THUMPD2: variants seen among roughly 807,000 people sequenced by gnomAD.
THUMPD2 encodes the protein THUMP domain 2 tRNA and snRNA guanosine methyltransferase, also known as U6 snRNA (guanine-N(2))-methyltransferase THUMPD2.
In THUMPD2, 56 loss-of-function variants were observed where a neutral mutation model predicts 49.4. The ratio of observed to expected loss-of-function variants is 1.13; its 90% CI spans 0.91 to 1.41. THUMPD2 has a LOEUF of 1.41. THUMPD2 is among the 40% of genes most tolerant of loss of function. The pLI is 0.00. For missense variants in THUMPD2, 709 were observed against 594.5 expected (o/e 1.19, Z -2.00); for synonymous variants, 237 against 205.2 (o/e 1.15, Z -1.32).
At chr2:39,761,008 G>T (rs149826075) in intron 6 of THUMPD2, among the ~76,000 whole-genome samples, 196 of 152,178 alleles carry the variant, frequency 1.3e-3, no homozygotes, top group Middle Eastern at 0.01. Context: ...AATTGACCAA[G>T]ATCTTGGTCA....
chr2:39,757,775 T>C (rs1350706790), intron 6 of THUMPD2, among the ~76,000 whole-genome samples: 2 of 152,210 alleles, frequency 1.3e-5, no homozygotes, highest in South Asian at 2.1e-4. Context: ...GAACAGTTTA[T>C]AGTAAACATG....
intron 4 of THUMPD2, 55 bp from the exon 5 acceptor site, chr2:39,766,164 A>G: frequency 7.7e-7 from 1 of 1,302,634 alleles, no homozygotes; most frequent in Non-Finnish European, 1.1e-6. Flanking sequence ...TTACCAAATT[A>G]CTGACAATTT....
chr2:39,751,949 A>T (rs1675467337), intron 8 of THUMPD2, among the ~76,000 whole-genome samples: 1 of 152,140 alleles, frequency 6.6e-6, no homozygotes, highest in African/African-American at 2.4e-5. Context: ...AGCCTTCCAA[A>T]GTGCTGGGAT....
At chr2:39,756,706 G>C (rs1458746608) in intron 6 of THUMPD2, among the ~76,000 whole-genome samples, 2 of 152,070 alleles carry the variant, frequency 1.3e-5, no homozygotes, top group African/African-American at 4.8e-5. Context: ...CCGATGCCAC[G>C]TGTAAATTCA....
rs760041439 is a variant in THUMPD2, at chr2:39,736,777, C to A, written c.1470G>T (p.Ala490=). The change falls in exon 10 of 10, where the codon GCG becomes GCT. Residue 490 remains alanine (A), a synonymous_variant. Coordinates refer to ENST00000505747, the MANE Select transcript of THUMPD2 (RefSeq NM_025264.5). ...CYKVSLGKTD[A]FICKYKKSHS... ...GCGACTTCTTATATTTACATATGAACGCATCTGTCTTTCCAAGGCTAACTT... is the reference window on the plus strand; with the variant it reads ...GCGACTTCTTATATTTACATATGAAAGCATCTGTCTTTCCAAGGCTAACTT... 1 of 1,613,988 alleles carries A rather than the reference C, an allele frequency of 6.2e-7. No homozygotes were observed. The highest frequency in any genetic ancestry group is 8.5e-7 in the Non-Finnish European group (1 of 1,180,006).
intron 9 of THUMPD2, among the ~76,000 whole-genome samples, chr2:39,743,285 G>A (rs1313084629): frequency 6.6e-6 from 1 of 152,118 alleles, no homozygotes; most frequent in East Asian, 1.9e-4. Context: ...ATTCATAACT[G>A]TATGCATTCT....
chr2:39,743,173 T>TA (rs773016156), intron 9 of THUMPD2, among the ~76,000 whole-genome samples: 3 of 152,234 alleles, frequency 2.0e-5, no homozygotes, highest in Non-Finnish European at 4.4e-5. Flanking sequence ...GCTCATATTT[T>TA]AAATTGGTGA....
At position 39,761,349 on chromosome 2, in the gene THUMPD2, T is replaced by G. The variant is rs374861467; in HGVS notation, c.873A>C (p.Ala291=). The change falls in exon 6 of 10, where the codon GCA becomes GCC. Residue 291 remains alanine (A), a synonymous_variant. Coordinates refer to ENST00000505747, the MANE Select transcript of THUMPD2 (RefSeq NM_025264.5). ...GLRSTIAWAM[A]SLADIKAGAF... is the part of the protein sequence containing the mutation. ...TTCTTACCTTAATGTCAGCCAGAGA[T>G]GCCATTGCCCACGCTATTGTAGATC... The G allele has an allele frequency of 6.2e-7, 1 of 1,613,816 alleles. No homozygotes were observed. The highest frequency in any genetic ancestry group is 2.2e-5 in the East Asian group (1 of 44,850).
chr2:39,764,138 AG>A (rs1434408136), intron 5 of THUMPD2, among the ~76,000 whole-genome samples: 1 of 152,216 alleles, frequency 6.6e-6, no homozygotes, highest in African/African-American at 2.4e-5. Flanking sequence ...GTCCGTAATT[AG>A]AGTTAGTTTC....
intron 6 of THUMPD2, among the ~76,000 whole-genome samples, chr2:39,759,080 T>C (rs141310358): frequency 2.6e-5 from 4 of 151,934 alleles, no homozygotes; most frequent in Admixed American, 2.0e-4. Flanking sequence ...GGCCAAAATA[T>C]AAAGAGAGGG....
chr2:39,779,026 G>T (rs1465473986), intron 1 of THUMPD2, 88 bp downstream of exon 1: 5 of 1,343,320 alleles, frequency 3.7e-6, no homozygotes, highest in Non-Finnish European at 4.8e-6. Context: ...GGGCGCCAGC[G>T]ACGCTTTCCC....
intron 1 of THUMPD2, among the ~76,000 whole-genome samples, chr2:39,776,265 C>T (rs532449310): frequency 2.0e-5 from 3 of 151,976 alleles, no homozygotes; most frequent in South Asian, 2.1e-4. Flanking sequence ...TGCCATACAA[C>T]GAGAGGGGAG....
rs1043168216 is a variant in THUMPD2 at position 39,740,308 on chromosome 2, C to G, written c.1188-3249G>C. ...GTACATACATATAATGTGGCAACCA[C>G]TGAAAATTATAATGTATATTGTAAC... On this transcript the variant is annotated intron_variant, in intron 9 of 9. Coordinates refer to ENST00000505747, the MANE Select transcript of THUMPD2 (RefSeq NM_025264.5). Among the ~76,000 whole-genome samples, 3 of 152,122 alleles carry G rather than the reference C, an allele frequency of 2.0e-5. No individual in the cohort carries two copies. The East Asian group carries it at 5.8e-4, about 29-fold the overall frequency.
chr2:39,777,167 T>C (rs1679221054), intron 1 of THUMPD2, among the ~76,000 whole-genome samples: 1 of 152,236 alleles, frequency 6.6e-6, no homozygotes, highest in Non-Finnish European at 1.5e-5. Context: ...ATGCTACCTG[T>C]GCTATCTTTA....
At position 39,761,360 on chromosome 2, in the gene THUMPD2, A is replaced by G. The variant is rs775568970; in HGVS notation, c.862T>C (p.Trp288Arg). 1.2e-6 allele frequency: 2 copies of G among 1,613,774 alleles called. No homozygotes were observed. The highest frequency in any genetic ancestry group is 2.2e-5 in the East Asian group (1 of 44,850). The change falls in exon 6 of 10, where the codon TGG (tryptophan) becomes CGG (arginine). Residue 288 changes from tryptophan to arginine, a missense_variant. Physicochemically the swap from Trp to Arg is moderately radical, Grantham distance 101. Transcript: ENST00000505747. Reference protein sequence around the residue: ...KTAGLRSTIAWAMASLADIKA... With the variant: ...KTAGLRSTIARAMASLADIKA... ...ATGTCAGCCAGAGATGCCATTGCCC[A>G]CGCTATTGTAGATCGCAGTCCAGCT...
chr2:39,759,433 C>T (rs906847935), intron 6 of THUMPD2, among the ~76,000 whole-genome samples: 1 of 152,004 alleles, frequency 6.6e-6, no homozygotes, highest in African/African-American at 2.4e-5. Flanking sequence ...TTCATTTAAT[C>T]TTGTCATGAT....
rs112112679 is a variant in THUMPD2 at position 39,736,829 on chromosome 2, C to T, written c.1418G>A (p.Gly473Asp). ...GTAGCATTCCACTGGTACCAAGGAGCCAAATGGTGACATTCTGTCTAAGAA... is the reference window on the plus strand; with the variant it reads ...GTAGCATTCCACTGGTACCAAGGAGTCAAATGGTGACATTCTGTCTAAGAA... ...HKFLDRMSPF[G>D]SLVPVECYKV... The change falls in exon 10 of 10, where the codon GGC becomes GAC. Residue 473 changes from glycine to aspartate, a missense_variant. Physicochemically the swap from Gly to Asp is moderately conservative, Grantham distance 94 (BLOSUM62 -1). Transcript: ENST00000505747. 81 of 1,614,186 alleles carry T rather than the reference C, an allele frequency of 5.0e-5. 2 individuals are homozygous for T. Among genetic ancestry groups the T allele is most frequent in the African/African-American group, 4.0e-4 (30 of 75,048 alleles).
intron 4 of THUMPD2, 90 bp from the exon 5 acceptor site, chr2:39,766,199 G>T: frequency 1.1e-6 from 1 of 938,872 alleles, no homozygotes; most frequent in Non-Finnish European, 1.6e-6. Flanking sequence ...AAACTTACAT[G>T]ATCTATGTTT....
chr2:39,756,936 A>G (rs1367139513), intron 6 of THUMPD2, among the ~76,000 whole-genome samples: 1 of 138,250 alleles, frequency 7.2e-6, no homozygotes, highest in African/African-American at 2.7e-5. Flanking sequence ...AATAATAATA[A>G]TAAATGGTAT....
Sources: gnomAD v4.1 joint callset for allele counts (sites outside exome capture counted in the v4.1 genomes callset) on GRCh38, gnomAD v4.1.1 for gene constraint, MANE v1.5 for transcripts, NCBI Gene and HGNC (gene_info 2026-07-23, HGNC 2026-07-21) for gene names.